UGT1A8: variants seen among roughly 807,000 people sequenced by gnomAD.
UGT1A8 encodes the protein UDP-glucuronosyltransferase 1A8.
In UGT1A8, 39 loss-of-function variants were observed where a neutral mutation model predicts 45.3. That is an observed-to-expected ratio of 0.86 (90% CI 0.67 to 1.12). UGT1A8 has a LOEUF of 1.12. Among genes scored for constraint, UGT1A8 ranks in the 50% most tolerant of loss-of-function variants. The pLI, the probability that UGT1A8 is intolerant of heterozygous loss-of-function variation, is 0.00. For synonymous variants in UGT1A8, 275 were observed against 249.2 expected (o/e 1.10, Z -0.97); for missense variants, 719 against 664.9 (o/e 1.08, Z -0.90).
intron 1 of UGT1A8, chr2:233,671,925 C>T (rs1163568942): frequency 6.3e-7 from 1 of 1,597,426 alleles, no homozygotes; most frequent in East Asian, 2.2e-5. Context: ...CTCTCAGCTG[C>T]AGTTCTCTGA....
At chr2:233,682,729 C>G in intron 1 of UGT1A8, 19 of 1,613,830 alleles carry the variant, frequency 1.2e-5, no homozygotes, top group Non-Finnish European at 1.6e-5. Context: ...ATCCCAAACC[C>G]GTGATGCCCA....
intron 1 of UGT1A8, chr2:233,743,523 T>A (rs1440722806): frequency 7.3e-7 from 1 of 1,367,212 alleles, no homozygotes; most frequent in Non-Finnish European, 9.8e-7. Context: ...TGCTTCTGCT[T>A]CCCCAGCAGT....
At chr2:233,743,929 G>C in intron 1 of UGT1A8, 1 of 1,360,304 alleles carries the variant, frequency 7.4e-7, no homozygotes, top group Non-Finnish European at 9.8e-7. Flanking sequence ...TGGATGGCCA[G>C]AACGGCCCAC....
At chr2:233,633,806 C>T (rs574856940) in intron 1 of UGT1A8, among the ~76,000 whole-genome samples, 8 of 152,096 alleles carry the variant, frequency 5.3e-5, no homozygotes, top group Admixed American at 2.6e-4. Flanking sequence ...GTCTCTATCT[C>T]CTTCAGTTCT....
intron 1 of UGT1A8, among the ~76,000 whole-genome samples, chr2:233,724,475 T>C (rs568755731): frequency 9.3e-4 from 64 of 68,704 alleles, no homozygotes; most frequent in Middle Eastern, 7.8e-3. Flanking sequence ...GGCTCCTCAC[T>C]TCTCAGACGG....
At chr2:233,760,651 A>G (rs1358018329) in intron 1 of UGT1A8, 1 of 1,614,196 alleles carries the variant, frequency 6.2e-7, no homozygotes, top group South Asian at 1.1e-5. Context: ...GGACTCTGCT[A>G]TGCTTTTGTC....
At chr2:233,700,009 G>A (rs1179705204) in intron 1 of UGT1A8, among the ~76,000 whole-genome samples, 2 of 152,160 alleles carry the variant, frequency 1.3e-5, no homozygotes, top group African/African-American at 2.4e-5. Context: ...AAAATGTCAC[G>A]AGTGCTGAAA....
chr2:233,757,535 AATATATATATATAT>A (rs67292694), intron 1 of UGT1A8, among the ~76,000 whole-genome samples: 1 of 88,312 alleles, frequency 1.1e-5, no homozygotes, highest in South Asian at 5.2e-4. Flanking sequence ...GCCTGTAAGG[AATATATATATATAT>A]ATATATATAT....
chr2:233,729,563 T>C (rs1575582570), intron 1 of UGT1A8: 2 of 1,614,156 alleles, frequency 1.2e-6, no homozygotes, highest in South Asian at 1.1e-5. Flanking sequence ...GCTACTTCCT[T>C]TGATGTGGTT....
In UGT1A8 at chr2:233,618,002, A is replaced by G; in HGVS notation, c.295A>G (p.Lys99Glu). The G allele has an allele frequency of 6.2e-7, 1 of 1,614,196 alleles. No homozygotes were observed. The highest frequency in any genetic ancestry group is 8.5e-7 in the Non-Finnish European group (1 of 1,180,046). ...CATGGATTTCGCCGATGCTCAATGG[A>G]AAGCACAAGTACGAAGTTTGTTTTC... ...EFMDFADAQWKAQVRSLFSLF... is the reference protein window; with the variant it reads ...EFMDFADAQWEAQVRSLFSLF... The change falls in exon 1 of 5, where the codon AAA (lysine) becomes GAA (glutamate). Residue 99 changes from lysine to glutamate, a missense_variant. Transcript: ENST00000373450.
At chr2:233,766,869 G>A (rs1460136088) in intron 1 of UGT1A8, among the ~76,000 whole-genome samples, 165 bp from the exon 2 acceptor site, 1 of 152,162 alleles carries the variant, frequency 6.6e-6, no homozygotes, top group African/African-American at 2.4e-5. Context: ...GTAAAGGAGA[G>A]GAAAATGCTG....
In UGT1A8 at chr2:233,621,170, G is replaced by A. The variant is rs1363094344; in HGVS notation, c.855+2608G>A. On this transcript the variant is annotated intron_variant, in intron 1 of 4. Transcript: ENST00000373450. ...TCAAATTTCAACGTGAGATTTGGAG[G>A]GGATAAACTTTTAAACTTTATCTTT... 2.0e-5 allele frequency among the ~76,000 whole-genome samples: 3 copies of A among 152,052 alleles called. No homozygotes were observed. The East Asian group carries it at 5.8e-4, about 29-fold the overall frequency.
At position 233,643,698 on chromosome 2, in the gene UGT1A8, C is replaced by T. The variant is rs573372608; in HGVS notation, c.855+25136C>T. On this transcript the variant is annotated intron_variant, in intron 1 of 4. Coordinates refer to ENST00000373450, the MANE Select transcript of UGT1A8 (RefSeq NM_019076.5). Reference sequence around the variant, plus strand: ...AGTAAGTCTCAGAGGCTCACCAAGGCCCTTGACGTAGTACGAGGTTTCACT... The same window carrying T: ...AGTAAGTCTCAGAGGCTCACCAAGGTCCTTGACGTAGTACGAGGTTTCACT... 7.2e-5 allele frequency among the ~76,000 whole-genome samples: 11 copies of T among 152,274 alleles called. No homozygotes were observed. In the South Asian group the frequency reaches 8.3e-4, roughly 11 times the overall value.
intron 1 of UGT1A8, among the ~76,000 whole-genome samples, chr2:233,687,412 G>A (rs1423450705): frequency 6.6e-6 from 1 of 151,920 alleles, no homozygotes; most frequent in Non-Finnish European, 1.5e-5. Flanking sequence ...AACATATATT[G>A]GAGGCTTACC....
In UGT1A8 at chr2:233,676,665, C is replaced by T. The variant is rs1175134718; in HGVS notation, c.855+58103C>T. Among the ~76,000 whole-genome samples the T allele has an allele frequency of 3.9e-5, 6 of 152,280 alleles. No homozygotes were observed. In the South Asian group the frequency reaches 8.3e-4, roughly 21 times the overall value. ...TTGTTTTTAGTGACTTGGGCAGTTT[C>T]GAGCAGTCCTAGTCAGGTGTCCTGT... On this transcript the variant is annotated intron_variant, in intron 1 of 4. Transcript: ENST00000373450.
Position 233,618,127 on chromosome 2 carries a change from T to A in UGT1A8, c.420T>A (p.Ser140Arg). The change falls in exon 1 of 5, where the codon AGT becomes AGA. Residue 140 changes from serine to arginine, a missense_variant. Physicochemically the swap from Ser to Arg is moderately radical, Grantham distance 110. Coordinates refer to ENST00000373450, the MANE Select transcript of UGT1A8 (RefSeq NM_019076.5). The part of the protein sequence containing the change: ...DRKLVEYLKE[S>R]SFDAVFLDPF... ...AATTAGTAGAATACTTAAAGGAGAG[T>A]TCTTTTGATGCGGTGTTTCTTGATC... 6.2e-6 allele frequency: 10 copies of A among 1,613,852 alleles called. No homozygotes were observed. The highest frequency in any genetic ancestry group is 8.5e-6 in the Non-Finnish European group (10 of 1,179,980).
intron 1 of UGT1A8, chr2:233,717,847 A>G (rs1429786450): frequency 2.2e-6 from 1 of 455,006 alleles, no homozygotes; most frequent in Non-Finnish European, 4.4e-6. Flanking sequence ...CATTCTTATC[A>G]GAACTTGGTG....
At chr2:233,656,155 A>C (rs1465993624) in intron 1 of UGT1A8, among the ~76,000 whole-genome samples, 10 of 152,118 alleles carry the variant, frequency 6.6e-5, no homozygotes, top group Non-Finnish European at 1.0e-4. Flanking sequence ...GGCCATCCTG[A>C]CTCATGCGTA....
intron 1 of UGT1A8, among the ~76,000 whole-genome samples, chr2:233,681,327 A>G (rs980656608): frequency 6.6e-5 from 10 of 151,994 alleles, no homozygotes; most frequent in African/African-American, 2.2e-4. Flanking sequence ...TGAGCTCAGG[A>G]GTTCGAGACC....
Sources: gnomAD v4.1 joint callset for allele counts (sites outside exome capture counted in the v4.1 genomes callset) on GRCh38, gnomAD v4.1.1 for gene constraint, MANE v1.5 for transcripts, NCBI Gene and HGNC (gene_info 2026-07-23, HGNC 2026-07-21) for gene names.